ABCA9: variants seen among roughly 807,000 people sequenced by gnomAD.
The protein encoded by ABCA9 is ATP-binding cassette sub-family A member 9.
A neutral mutation model predicts 205.3 loss-of-function variants in ABCA9; 183 were observed. The observed-to-expected ratio is 0.89, with a 90% CI of 0.79 to 1.01. The LOEUF (loss-of-function observed/expected upper bound fraction) is 1.01. ABCA9 is among the 50% of genes least tolerant of loss of function. ABCA9 has a pLI of 0.00. For synonymous variants in ABCA9, 651 were observed against 683.3 expected (o/e 0.95, Z 0.74); for missense variants, 1,805 against 1,912.4 (o/e 0.94, Z 1.05).
chr17:69,033,714 G>A lies in ABCA9; in HGVS notation c.1276+12C>T. ...TGAAATTGTGTTAAATTACAGCCAT[G>A]TTAGTACTTACCGGGCAAAATTTTG... On this transcript the variant is annotated intron_variant, in intron 9 of 38. Coordinates refer to ENST00000340001, the MANE Select transcript of ABCA9 (RefSeq NM_080283.4). 1 of 1,597,316 alleles carries A rather than the reference G, an allele frequency of 6.3e-7. No individual in the cohort carries two copies. The highest frequency in any genetic ancestry group is 1.1e-5 in the South Asian group (1 of 88,544).
chr17:69,019,701 T>C (rs2070750792), intron 19 of ABCA9, among the ~76,000 whole-genome samples: 1 of 152,184 alleles, frequency 6.6e-6, no homozygotes, highest in South Asian at 2.1e-4. Context: ...ATGAATGTTC[T>C]CAGTGAATGA....
chr17:68,978,587 T>C (rs912327545), intron 37 of ABCA9, among the ~76,000 whole-genome samples: 23 of 152,316 alleles, frequency 1.5e-4, no homozygotes, highest in South Asian at 4.1e-4. Flanking sequence ...ATTAGGCATG[T>C]TTTTGCAGTG....
At chr17:69,046,084 T>G (rs982027801) in intron 3 of ABCA9, among the ~76,000 whole-genome samples, 5 of 152,224 alleles carry the variant, frequency 3.3e-5, no homozygotes, top group African/African-American at 1.2e-4. Context: ...TTTAAATTCA[T>G]ATACAAACAA....
Position 69,024,235 on chromosome 17 carries a change from C to T in ABCA9, c.2260G>A (p.Glu754Lys). The change falls in exon 17 of 39, where the codon GAA becomes AAA. Residue 754 changes from glutamate (E) to lysine (K), a missense_variant. Coordinates refer to ENST00000340001, the MANE Select transcript of ABCA9 (RefSeq NM_080283.4). ...EEKLVYILPL[E>K]RTNKFPELYR... ...TTACCTGGAAATTTGTTTGTCCTTTCCAAAGGCAAAATATATACAAGTTTT... is the reference window on the plus strand; with the variant it reads ...TTACCTGGAAATTTGTTTGTCCTTTTCAAAGGCAAAATATATACAAGTTTT... 6.2e-7 allele frequency: 1 copy of T among 1,612,590 alleles called. No individual in the cohort carries two copies. Among genetic ancestry groups the T allele is most frequent in the Non-Finnish European group, 8.5e-7 (1 of 1,179,378 alleles).
chr17:69,015,968 ATT>A (rs1002458609), intron 22 of ABCA9, among the ~76,000 whole-genome samples: 1 of 86,136 alleles, frequency 1.2e-5, no homozygotes, highest in African/African-American at 5.1e-5. Context: ...TCAATTCTAA[ATT>A]GTGTGTGTGT....
intron 23 of ABCA9, among the ~76,000 whole-genome samples, chr17:69,010,522 G>C (rs1318381382): frequency 6.6e-6 from 1 of 152,056 alleles, no homozygotes; most frequent in Non-Finnish European, 1.5e-5. Context: ...GGAGGGCTCT[G>C]CCAGACAACA....
intron 6 of ABCA9, among the ~76,000 whole-genome samples, chr17:69,042,116 C>G (rs1003439122): frequency 2.0e-5 from 3 of 152,146 alleles, no homozygotes; most frequent in African/African-American, 7.2e-5. Context: ...CATCACTTGG[C>G]TAAACTCTTG....
chr17:68,992,975 G>C, intron 27 of ABCA9, 41 bp downstream of exon 27: 1 of 1,477,536 alleles, frequency 6.8e-7, no homozygotes, highest in Non-Finnish European at 9.4e-7. Context: ...CAAAAGTTGT[G>C]TTCCCTCATG....
intron 32 of ABCA9, among the ~76,000 whole-genome samples, chr17:68,985,755 A>C (rs1244228163): frequency 6.6e-6 from 1 of 152,016 alleles, no homozygotes; most frequent in East Asian, 1.9e-4. Context: ...AGGGTCTTGA[A>C]AGACCAGCCT....
In ABCA9 at chr17:69,007,846, T is replaced by C. The variant is rs199904874; in HGVS notation, c.3348A>G (p.Ser1116=). 2.3e-5 allele frequency: 37 copies of C among 1,608,158 alleles called. No homozygotes were observed. In the African/African-American group the frequency reaches 2.7e-4, roughly 12 times the overall value. The change falls in exon 25 of 39, where the codon TCA becomes TCG. Residue 1116 remains serine, a synonymous_variant. Coordinates refer to ENST00000340001, the MANE Select transcript of ABCA9 (RefSeq NM_080283.4). The stretch of plus-strand genomic sequence containing the variant: ...TCACATATGTCAAGAAAACAAGAGA[T>C]GAGACATAGCCAATACTACACAGGA... ...IQILCSIGYV[S]SLVFLTYVIS... is the part of the protein sequence containing the mutation.
At chr17:69,017,905 T>G in intron 20 of ABCA9, 116 bp from the exon 21 acceptor site, 6 of 1,191,322 alleles carry the variant, frequency 5.0e-6, no homozygotes, top group South Asian at 3.4e-5. Context: ...TCTAAGGCTT[T>G]TCTTAAAAAA....
chr17:69,063,104 T>C (rs72844581), upstream of ABCA9, among the ~76,000 whole-genome samples: 6,215 of 152,300 alleles, frequency 0.041, 259 homozygotes, highest in African/African-American at 0.1. Context: ...TAGCGGAAAC[T>C]GAGTTAAAAC....
At chr17:69,049,553 CACAA>C (rs2071834059) in intron 2 of ABCA9, 63 bp from the exon 3 acceptor site, 3 of 1,327,102 alleles carry the variant, frequency 2.3e-6, no homozygotes, top group Non-Finnish European at 2.1e-6. Context: ...ATCAATCATC[CACAA>C]ACAGTTTGAA....
intron 10 of ABCA9, among the ~76,000 whole-genome samples, chr17:69,031,730 C>T (rs2071156155): frequency 6.6e-6 from 1 of 151,794 alleles, no homozygotes; most frequent in South Asian, 2.1e-4. Context: ...ATGAGAGGGA[C>T]AAATTGAATT....
chr17:69,005,710 A>T (rs937520687), intron 25 of ABCA9, among the ~76,000 whole-genome samples: 2 of 152,116 alleles, frequency 1.3e-5, no homozygotes, highest in African/African-American at 4.8e-5. Flanking sequence ...AATCAAATAT[A>T]ACTTGTATGA....
chr17:68,987,858 G>A (rs769441937), intron 31 of ABCA9, among the ~76,000 whole-genome samples: 2 of 151,862 alleles, frequency 1.3e-5, no homozygotes, highest in Non-Finnish European at 2.9e-5. Context: ...CCTCCCGGCC[G>A]GGTTCAAGCA....
At position 68,983,759 on chromosome 17, in the gene ABCA9, G is replaced by A; in HGVS notation, c.4590C>T (p.Pro1530=). The change falls in exon 36 of 39, where the codon CCC becomes CCT. Residue 1530 remains proline, a synonymous_variant. Transcript: ENST00000340001. ...MKLKNLAQME[P]LHAEILRLFP... ...AAAGCCTCAGGATCTCTGCATGGAG[G>A]GGCTCCATTTGTGCCAGGTTCTTCA... 1 of 1,614,206 alleles carries A rather than the reference G, an allele frequency of 6.2e-7. No individual in the cohort carries two copies. Among genetic ancestry groups the A allele is most frequent in the Non-Finnish European group, 8.5e-7 (1 of 1,180,038 alleles).
At chr17:69,051,478 C>A (rs892388061) in intron 1 of ABCA9, 3 of 254,798 alleles carry the variant, frequency 1.2e-5, no homozygotes, top group Non-Finnish European at 2.3e-5. Context: ...GTTGGGGGTA[C>A]AAACTAACCC....
intron 3 of ABCA9, 97 bp from the exon 4 acceptor site, chr17:69,045,433 C>T: frequency 9.5e-7 from 1 of 1,050,944 alleles, no homozygotes; most frequent in Non-Finnish European, 1.2e-6. Flanking sequence ...AAAGCTATTC[C>T]TTCCTAAAGG....
Sources: allele counts gnomAD v4.1 joint callset (sites outside exome capture counted in the v4.1 genomes callset), GRCh38; gene constraint gnomAD v4.1.1; transcripts MANE v1.5; gene names NCBI Gene and HGNC (gene_info 2026-07-23, HGNC 2026-07-21).